The following RAD51B variants were observed in gnomAD, a reference collection of about 807,000 sequenced individuals.
The protein encoded by RAD51B is RAD51 paralog B.
A neutral mutation model predicts 42.2 loss-of-function variants in RAD51B; 38 were observed. That is an observed-to-expected ratio of 0.90 (90% CI 0.70 to 1.18). RAD51B has a LOEUF of 1.18. Among genes scored for constraint, RAD51B ranks in the 50% most tolerant of loss-of-function variants. The pLI is 0.00. For synonymous variants in RAD51B, 154 were observed against 145.2 expected (o/e 1.06, Z -0.43); for missense variants, 373 against 400.7 (o/e 0.93, Z 0.59).
At chr14:67,838,726 G>T (rs2041329634) in intron 4 of RAD51B, among the ~76,000 whole-genome samples, 1 of 151,824 alleles carries the variant, frequency 6.6e-6, no homozygotes, top group African/African-American at 2.4e-5. Flanking sequence ...GATTACAGGT[G>T]TGAGCTACTG....
chr14:68,525,566 G>GC (rs1183847611), intron 10 of RAD51B, among the ~76,000 whole-genome samples: 1 of 152,162 alleles, frequency 6.6e-6, no homozygotes, highest in African/African-American at 2.4e-5. Context: ...AGCCCCACCT[G>GC]CATATGAGCA....
intron 10 of RAD51B, among the ~76,000 whole-genome samples, chr14:68,553,523 G>A (rs1430650128): frequency 6.6e-6 from 1 of 152,140 alleles, no homozygotes; most frequent in East Asian, 1.9e-4. Context: ...AGGTGGGGCT[G>A]GGGACTTGGG....
intron 10 of RAD51B, among the ~76,000 whole-genome samples, chr14:68,474,076 T>C (rs1443710442): frequency 6.6e-6 from 1 of 152,232 alleles, no homozygotes; most frequent in Non-Finnish European, 1.5e-5. Context: ...TCCACATCCA[T>C]TCAGTGTGTG....
intron 7 of RAD51B, among the ~76,000 whole-genome samples, chr14:68,098,025 G>A (rs1007858537): frequency 8.5e-5 from 13 of 152,094 alleles, no homozygotes; most frequent in East Asian, 1.9e-4. Context: ...TTTGCCTGTC[G>A]GATTCAGATG....
chr14:68,661,654 C>A (rs186998853), intron 11 of RAD51B, among the ~76,000 whole-genome samples: 1 of 152,168 alleles, frequency 6.6e-6, no homozygotes, highest in African/African-American at 2.4e-5. Flanking sequence ...ATGAAGGGGG[C>A]GTGGCATGCA....
At chr14:68,431,848 G>A (rs1430934499) in intron 9 of RAD51B, among the ~76,000 whole-genome samples, 1 of 152,182 alleles carries the variant, frequency 6.6e-6, no homozygotes, top group African/African-American at 2.4e-5. Flanking sequence ...ATGTTAGGGT[G>A]TCAATTTTAG....
intron 10 of RAD51B, among the ~76,000 whole-genome samples, chr14:68,489,765 C>A (rs751510542): frequency 2.0e-5 from 3 of 152,146 alleles, no homozygotes; most frequent in Non-Finnish European, 4.4e-5. Context: ...TTCTCAGGGT[C>A]ATTTGCTGTT....
chr14:68,595,135 G>C (rs1231265086), exon 11 of RAD51B: 2 of 1,066,714 alleles, frequency 1.9e-6, no homozygotes, highest in South Asian at 4.5e-5. Context: ...CATGTTAGGA[G>C]CGCTGGAACG....
chr14:68,201,318 C>T lies in RAD51B; in HGVS notation c.757-90566C>T, dbSNP rs939440377. Among the ~76,000 whole-genome samples, 11 of 152,226 alleles carry T rather than the reference C, an allele frequency of 7.2e-5. No homozygotes were observed. In the East Asian group the frequency reaches 2.1e-3, roughly 29 times the overall value. On this transcript the variant is annotated intron_variant, in intron 7 of 10. Coordinates refer to ENST00000471583, the MANE Select transcript of RAD51B (RefSeq NM_133510.4). The stretch of plus-strand genomic sequence containing the variant: ...TTTATTTTTAAGTAAACATATCTAC[C>T]TGAAAGCAATGAAAAGAACAGTTTT...
intron 9 of RAD51B, among the ~76,000 whole-genome samples, chr14:68,427,082 C>G (rs542871782): frequency 6.6e-6 from 1 of 152,360 alleles, no homozygotes; most frequent in African/African-American, 2.4e-5. Flanking sequence ...TGCAGGCATG[C>G]AGAATGTATG....
rs1006541399 is a variant in RAD51B, at chr14:68,579,905, G to A, written c.1037-14580G>A. Among the ~76,000 whole-genome samples the A allele has an allele frequency of 9.2e-5, 14 of 152,226 alleles. No homozygotes were observed. In the East Asian group the frequency reaches 1.2e-3, roughly 13 times the overall value. On this transcript the variant is annotated intron_variant, in intron 10 of 10. Transcript: ENST00000487270. Reference sequence around the variant, plus strand: ...GACTCAGTGTGGCAGATGCCTCCACGTCTCCAGCCCAGGCCCAGTCAAGCA... The same window carrying A: ...GACTCAGTGTGGCAGATGCCTCCACATCTCCAGCCCAGGCCCAGTCAAGCA...
rs374606161 is a variant in RAD51B, at chr14:68,271,507, TA to T, written c.757-20367del. The stretch of plus-strand genomic sequence containing the variant: ...GCACCTTGAAAGTGTGTTGTGAAGA[TA>T]AAAAAAAAAGATAAATAGGCAATAC... On this transcript the variant is annotated intron_variant, in intron 7 of 10. Coordinates refer to ENST00000471583, the MANE Select transcript of RAD51B (RefSeq NM_133510.4). Among the ~76,000 whole-genome samples the T allele has an allele frequency of 1.4e-3, 204 of 147,402 alleles. 1 individual carries two copies. The highest frequency in any genetic ancestry group is 3.4e-3 in the Middle Eastern group (1 of 290).
chr14:68,556,226 G>A (rs953007341), intron 10 of RAD51B, among the ~76,000 whole-genome samples: 2 of 152,188 alleles, frequency 1.3e-5, no homozygotes, highest in African/African-American at 4.8e-5. Context: ...GTCAGGCAAC[G>A]GGGACAGACC....
At chr14:68,192,994 G>C (rs1417417941) in intron 7 of RAD51B, among the ~76,000 whole-genome samples, 3 of 152,102 alleles carry the variant, frequency 2.0e-5, no homozygotes, top group Non-Finnish European at 2.9e-5. Context: ...TTTTCTTTGA[G>C]ACACTCAAAA....
intron 10 of RAD51B, among the ~76,000 whole-genome samples, chr14:68,578,951 T>C (rs945368850): frequency 6.6e-6 from 1 of 152,192 alleles, no homozygotes; most frequent in Admixed American, 6.5e-5. Flanking sequence ...CCTGGATAAG[T>C]TGCTTGGCCT....
intron 10 of RAD51B, among the ~76,000 whole-genome samples, chr14:68,557,276 C>T (rs1258587579): frequency 6.6e-6 from 1 of 152,130 alleles, no homozygotes; most frequent in Non-Finnish European, 1.5e-5. Context: ...CTTACCAAAC[C>T]TCTGTAGCTT....
intron 11 of RAD51B, among the ~76,000 whole-genome samples, chr14:68,680,972 G>A (rs983834392): frequency 6.6e-6 from 1 of 152,040 alleles, no homozygotes; most frequent in African/African-American, 2.4e-5. Flanking sequence ...AATAACCCTT[G>A]CAACACATCA....
chr14:68,536,369 G>T (rs1054236559), intron 10 of RAD51B, among the ~76,000 whole-genome samples: 1 of 152,172 alleles, frequency 6.6e-6, no homozygotes, highest in Non-Finnish European at 1.5e-5. Context: ...GGATGTTTAA[G>T]AATATATAAA....
intron 10 of RAD51B, among the ~76,000 whole-genome samples, chr14:68,576,818 G>C (rs1367864011): frequency 6.6e-6 from 1 of 152,226 alleles, no homozygotes; most frequent in Admixed American, 6.5e-5. Context: ...TCTTGACTCA[G>C]AGTCTGTGCT....
Sources: allele counts gnomAD v4.1 joint callset (sites outside exome capture counted in the v4.1 genomes callset), GRCh38; gene constraint gnomAD v4.1.1; transcripts MANE v1.5; gene names NCBI Gene and HGNC (gene_info 2026-07-23, HGNC 2026-07-21).